Variants in FREM1 observed in about 807,000 individuals in gnomAD.
The protein encoded by FREM1 is FRAS1 related extracellular matrix 1, also known as FRAS1-related extracellular matrix protein 1.
Under a neutral mutation model 210.1 loss-of-function variants are expected in FREM1, and 220 were observed. That is an observed-to-expected ratio of 1.05 (90% CI 0.94 to 1.17). FREM1 has a LOEUF of 1.17. Ranked by LOEUF, FREM1 falls within the 50% of genes most tolerant of loss-of-function variation. The pLI is 0.00. For synonymous variants in FREM1, 1,189 were observed against 980.2 expected (o/e 1.21, Z -3.98); for missense variants, 3,454 against 2,675.5 (o/e 1.29, Z -6.42).
chr9:14,887,775 C>T (rs1836073277), intron 1 of FREM1, among the ~76,000 whole-genome samples: 1 of 152,154 alleles, frequency 6.6e-6, no homozygotes, highest in East Asian at 1.9e-4. Flanking sequence ...TTATTTTTCA[C>T]AACAAACCTA....
chr9:14,896,470 G>C (rs1837739091), intron 1 of FREM1, among the ~76,000 whole-genome samples: 1 of 151,230 alleles, frequency 6.6e-6, no homozygotes, highest in Non-Finnish European at 1.5e-5. Flanking sequence ...CTTAAACTGG[G>C]GGAGACAGAG....
intron 25 of FREM1, chr9:14,774,104 C>T (rs781439041): frequency 1.7e-5 from 9 of 518,854 alleles, no homozygotes; most frequent in South Asian, 5.6e-5. Context: ...TCTCCCAGTG[C>T]ATTATCATTT....
At chr9:14,798,514 C>T (rs1239334816) in intron 20 of FREM1, among the ~76,000 whole-genome samples, 1 of 152,028 alleles carries the variant, frequency 6.6e-6, no homozygotes, top group African/African-American at 2.4e-5. Context: ...GAGGCTCAGG[C>T]AGGGAGGAAT....
intron 24 of FREM1, among the ~76,000 whole-genome samples, chr9:14,778,768 C>T (rs1018639024): frequency 2.2e-5 from 2 of 91,044 alleles, no homozygotes; most frequent in Admixed American, 1.3e-4. Flanking sequence ...GGAAGTCAGG[C>T]GCGGTAGCTC....
intron 29 of FREM1, 67 bp from the exon 30 acceptor site, chr9:14,750,343 A>G (rs1587695784): frequency 7.8e-7 from 1 of 1,281,356 alleles, no homozygotes; most frequent in Non-Finnish European, 1.1e-6. Flanking sequence ...TCAGAGAAAT[A>G]TATTAATTAA....
At chr9:14,809,397 A>G (rs1818977258) in intron 16 of FREM1, among the ~76,000 whole-genome samples, 1 of 152,240 alleles carries the variant, frequency 6.6e-6, no homozygotes, top group African/African-American at 2.4e-5. Context: ...GATCAGGGAC[A>G]TCCTCCCTTT....
chr9:14,784,017 C>G (rs1850021733), intron 24 of FREM1, among the ~76,000 whole-genome samples: 1 of 152,184 alleles, frequency 6.6e-6, no homozygotes, highest in South Asian at 2.1e-4. Flanking sequence ...TCACATTTCT[C>G]CTCGTAGCAG....
intron 27 of FREM1, among the ~76,000 whole-genome samples, chr9:14,760,235 G>A (rs1227397502): frequency 1.3e-5 from 2 of 152,194 alleles, no homozygotes; most frequent in African/African-American, 4.8e-5. Context: ...AAAGGAACCA[G>A]CAGTTGTTAA....
At chr9:14,855,852 T>C (rs1487298870) in intron 5 of FREM1, among the ~76,000 whole-genome samples, 4 of 152,074 alleles carry the variant, frequency 2.6e-5, no homozygotes, top group Admixed American at 1.3e-4. Flanking sequence ...ATGAGAAAAT[T>C]TGATCAAAAA....
chr9:14,752,376 A>G (rs1843545777), intron 29 of FREM1, among the ~76,000 whole-genome samples: 2 of 152,180 alleles, frequency 1.3e-5, no homozygotes, highest in East Asian at 3.8e-4. Context: ...AGGGTGAGTG[A>G]ATTAGCTGGC....
At chr9:14,797,074 G>A (rs576399668) in intron 21 of FREM1, among the ~76,000 whole-genome samples, 30 of 152,324 alleles carry the variant, frequency 2.0e-4, no homozygotes, top group Admixed American at 1.3e-4. Flanking sequence ...CCTCCGCCAC[G>A]CTTAGTTACA....
At position 14,887,184 on chromosome 9, in the gene FREM1, CTTT is replaced by C. The variant is rs567588683; in HGVS notation, c.-267-17943_-267-17941del. Among the ~76,000 whole-genome samples the C allele has an allele frequency of 9.9e-5, 15 of 152,268 alleles. No homozygotes were observed. In the East Asian group the frequency reaches 2.9e-3, roughly 29 times the overall value. ...TAAACTTAGAGAAAGTGGTTCTCTT[CTTT>C]GTGTTTTAATTGAGGAAATCAAGAC... is the stretch of plus-strand genomic sequence containing the variant. On this transcript the variant is annotated intron_variant, in intron 1 of 36. Coordinates refer to ENST00000380880, the MANE Select transcript of FREM1 (RefSeq NM_001379081.2).
At chr9:14,787,752 C>T (rs1850639210) in intron 23 of FREM1, among the ~76,000 whole-genome samples, 1 of 152,170 alleles carries the variant, frequency 6.6e-6, no homozygotes, top group African/African-American at 2.4e-5. Context: ...AGGTGGCCTA[C>T]TCTAATACAC....
At chr9:14,885,588 G>GA (rs1835666838) in intron 1 of FREM1, among the ~76,000 whole-genome samples, 1 of 152,006 alleles carries the variant, frequency 6.6e-6, no homozygotes, top group African/African-American at 2.4e-5. Flanking sequence ...CTGGCTAATT[G>GA]TTTTTTAATT....
rs781342502 is a variant in FREM1, at chr9:14,759,903, T to C, written c.5205-2A>G. 3.7e-5 allele frequency: 59 copies of C among 1,606,724 alleles called. No homozygotes were observed. Among genetic ancestry groups the C allele is most frequent in the Non-Finnish European group, 4.9e-5 (58 of 1,176,044 alleles). ...ATATGAGACCACTTCAGTTCCAAAC[T>C]GTGTGTGAAAGGAAAAGAGAAATCA... On this transcript the variant is annotated splice_acceptor_variant, in intron 27 of 36. Transcript: ENST00000380880. LOFTEE classifies it high-confidence loss of function.
At position 14,859,439 on chromosome 9, in the gene FREM1, G is replaced by A. The variant is rs771731024; in HGVS notation, c.375C>T (p.Val125=). 6.2e-7 allele frequency: 1 copy of A among 1,613,844 alleles called. No individual in the cohort carries two copies. Among genetic ancestry groups the A allele is most frequent in the Admixed American group, 1.7e-5 (1 of 60,006 alleles). ...TGTTACAGTCTGGTTCCAGGAGATAGACCCACAGGATAAAAGTTTCTATGA... is the reference window on the plus strand; with the variant it reads ...TGTTACAGTCTGGTTCCAGGAGATAAACCCACAGGATAAAAGTTTCTATGA... ...DTFIETFILW[V]YLLEPDCNII... is the part of the protein sequence containing the mutation. The change falls in exon 4 of 37, where the codon GTC becomes GTT. Residue 125 remains valine, a synonymous_variant. Transcript: ENST00000380880.
chr9:14,833,362 G>C (rs913344356), intron 10 of FREM1, among the ~76,000 whole-genome samples: 2 of 152,116 alleles, frequency 1.3e-5, no homozygotes, highest in African/African-American at 4.8e-5. Flanking sequence ...CTTTGTTTTA[G>C]ACTACAGCCT....
At position 14,746,482 on chromosome 9, in the gene FREM1, G is replaced by A. The variant is rs761535029; in HGVS notation, c.6139-14C>T. 16 of 1,593,156 alleles carry A rather than the reference G, an allele frequency of 1.0e-5. No homozygotes were observed. Among genetic ancestry groups the A allele is most frequent in the Non-Finnish European group, 1.4e-5 (16 of 1,161,270 alleles). The stretch of plus-strand genomic sequence containing the variant: ...GTCTTCCACATCCTGAAAAACAGTT[G>A]TCTGTGTTCATATCATAATGGTCTT... On this transcript the variant is annotated splice_polypyrimidine_tract_variant and intron_variant, in intron 34 of 36. Coordinates refer to ENST00000380880, the MANE Select transcript of FREM1 (RefSeq NM_001379081.2).
At chr9:14,870,186 A>G (rs1832338219) in intron 1 of FREM1, among the ~76,000 whole-genome samples, 1 of 152,240 alleles carries the variant, frequency 6.6e-6, no homozygotes, top group Non-Finnish European at 1.5e-5. Flanking sequence ...GTAGATACCA[A>G]AATGAATGTT....
Sources: allele counts gnomAD v4.1 joint callset (sites outside exome capture counted in the v4.1 genomes callset), GRCh38; gene constraint gnomAD v4.1.1; transcripts MANE v1.5; gene names NCBI Gene and HGNC (gene_info 2026-07-23, HGNC 2026-07-21).